The following TTC13 variants were observed in gnomAD, a reference collection of about 807,000 sequenced individuals.
The protein encoded by TTC13 is tetratricopeptide repeat domain 13.
Under a neutral mutation model 120.0 loss-of-function variants are expected in TTC13, and 62 were observed. The observed-to-expected ratio is 0.52, with a 90% CI of 0.42 to 0.64. The LOEUF is 0.64. Among genes scored for constraint, TTC13 ranks in the 30% least tolerant of loss-of-function variants. The probability of loss-of-function intolerance (pLI) is 0.00; values close to 1 mark genes in which losing one functional copy is unlikely to be tolerated. For synonymous variants in TTC13, 384 were observed against 393.5 expected, an observed-to-expected ratio of 0.98 and a Z score of 0.28; for missense variants, 824 against 1,050.2, an observed-to-expected ratio of 0.78 and a Z score of 2.98.
intron 9 of TTC13, among the ~76,000 whole-genome samples, chr1:230,932,175 A>T (rs1673618064): frequency 6.6e-6 from 1 of 152,220 alleles, no homozygotes; most frequent in African/African-American, 2.4e-5. Context: ...CCCAAACCCT[A>T]AAAACTGTGT....
intron 1 of TTC13, among the ~76,000 whole-genome samples, chr1:230,963,575 C>A (rs932193145): frequency 2.0e-5 from 3 of 151,860 alleles, no homozygotes; most frequent in Non-Finnish European, 4.4e-5. Context: ...GTGGAAGCTG[C>A]AGTGAACCAT....
intron 12 of TTC13, among the ~76,000 whole-genome samples, chr1:230,928,165 A>C (rs1486817030): frequency 6.6e-6 from 1 of 152,186 alleles, no homozygotes; most frequent in Non-Finnish European, 1.5e-5. Flanking sequence ...CAAGTGCCTC[A>C]AAAAAACTTG....
At chr1:230,910,940 G>A (rs4846877) in intron 20 of TTC13, among the ~76,000 whole-genome samples, 99,151 of 151,810 alleles carry the variant, frequency 0.65, 32,577 homozygotes, top group Admixed American at 0.71. Context: ...TGCACACAGT[G>A]CTGGGAAAAG....
chr1:230,954,318 A>G lies in TTC13; in HGVS notation c.513+15T>C. On this transcript the variant is annotated intron_variant, in intron 4 of 22. Transcript: ENST00000366661. Reference sequence around the variant, plus strand: ...ACCATAAACTCAAAATTACATAAATAAGAAGAAAATTTACCTGAAGCATTG... The same window carrying G: ...ACCATAAACTCAAAATTACATAAATGAGAAGAAAATTTACCTGAAGCATTG... 1 of 1,601,964 alleles carries G rather than the reference A, an allele frequency of 6.2e-7. No individual in the cohort carries two copies. Among genetic ancestry groups the G allele is most frequent in the African/African-American group, 1.3e-5 (1 of 74,794 alleles).
intron 18 of TTC13, among the ~76,000 whole-genome samples, chr1:230,913,820 A>C (rs1671743873): frequency 6.6e-6 from 1 of 152,216 alleles, no homozygotes; most frequent in African/African-American, 2.4e-5. Context: ...GCAGGGGTGA[A>C]CTGGGGAACA....
intron 14 of TTC13, 128 bp from the exon 15 acceptor site, chr1:230,924,061 T>C (rs537208719): frequency 6.8e-6 from 4 of 591,898 alleles, no homozygotes; most frequent in South Asian, 5.0e-5. Context: ...GTGATGTCCA[T>C]ACCTACAAAT....
chr1:230,921,393 A>T (rs1028133002), intron 16 of TTC13, 28 bp downstream of exon 16: 2 of 1,238,136 alleles, frequency 1.6e-6, no homozygotes, highest in Non-Finnish European at 2.3e-6. Flanking sequence ...TCAACTCATT[A>T]CTAAGAAGGA....
At position 230,924,051 on chromosome 1, in the gene TTC13, G is replaced by A. The variant is rs74143518; in HGVS notation, c.1722-118C>T. The A allele has an allele frequency of 6.6e-4, 426 of 646,228 alleles. 6 individuals are homozygous for A. The African/African-American group carries it at 7.0e-3, about 11-fold the overall frequency. The allele number at this position is 646,228 out of a possible 1,614,324, so 40.0% of individuals were successfully genotyped here. A position where few individuals can be genotyped will look rare whatever the true frequency, so the allele number is the denominator to read the frequency against. On this transcript the variant is annotated intron_variant, in intron 14 of 22. Transcript: ENST00000366661. ...CAGCTAGTCCATCATATCTAAAAAC[G>A]TGATGTCCATACCTACAAATTCCAA...
chr1:230,924,073 C>T (rs1426975287), intron 14 of TTC13, 140 bp from the exon 15 acceptor site: 2 of 568,706 alleles, frequency 3.5e-6, no homozygotes. Context: ...CCTACAAATT[C>T]CAAACAGATG....
chr1:230,976,845 A>C (rs188566235), intron 1 of TTC13, among the ~76,000 whole-genome samples: 162 of 152,354 alleles, frequency 1.1e-3, no homozygotes, highest in Non-Finnish European at 1.1e-3. Flanking sequence ...GAATCAAATA[A>C]GCCACCAACA....
In TTC13 at chr1:230,978,621, G is replaced by A; in HGVS notation, c.210C>T (p.Gly70=). ...CGGACTGCGGGCTGCAGCCGCCGCC[G>A]CCCGCCGGGGCCTCCTGCTGCTGCC... is the stretch of plus-strand genomic sequence containing the variant. ...QHRQQQEAPA[G]GGGCSPQSGD... Residue 70 remains glycine, a synonymous_variant, in exon 1 of 23, where the codon GGC becomes GGT. Coordinates refer to ENST00000366661, the MANE Select transcript of TTC13 (RefSeq NM_024525.5). The surrounding 1 kb of genome is among the most constrained non-coding windows in gnomAD (Gnocchi z 5.6). 6.8e-7 allele frequency: 1 copy of A among 1,462,590 alleles called. No homozygotes were observed. The highest frequency in any genetic ancestry group is 9.0e-7 in the Non-Finnish European group (1 of 1,112,110). 90.6% of individuals were successfully genotyped at this position (1,462,590 alleles called of 1,614,324 possible). A position where few individuals can be genotyped will look rare whatever the true frequency, so the allele number is the denominator to read the frequency against.
intron 20 of TTC13, among the ~76,000 whole-genome samples, chr1:230,910,849 T>C (rs1028905848): frequency 2.0e-5 from 3 of 152,258 alleles, no homozygotes; most frequent in Non-Finnish European, 4.4e-5. Flanking sequence ...GATAAAGACA[T>C]TCAAGTGTAT....
At position 230,920,494 on chromosome 1, in the gene TTC13, CT is replaced by C; in HGVS notation, c.1983+15del. The C allele has an allele frequency of 1.9e-6, 3 of 1,593,996 alleles. No individual in the cohort carries two copies. The highest frequency in any genetic ancestry group is 2.6e-6 in the Non-Finnish European group (3 of 1,162,992). ...TCCTCTAAAAACATGGACTGCCATT[CT>C]GATGCTAAAGTTACCTTCATAATCG... On this transcript the variant is annotated intron_variant, in intron 17 of 22. Transcript: ENST00000366661.
chr1:230,925,148 C>T (rs1672946768), intron 13 of TTC13, among the ~76,000 whole-genome samples, 175 bp from the exon 14 acceptor site: 1 of 152,174 alleles, frequency 6.6e-6, no homozygotes, highest in African/African-American at 2.4e-5. Context: ...AAATTAAAAC[C>T]CATCAGAGTT....
At chr1:230,939,358 A>G in intron 8 of TTC13, 28 bp downstream of exon 8, 1 of 1,414,690 alleles carries the variant, frequency 7.1e-7, no homozygotes, top group Non-Finnish European at 9.9e-7. Flanking sequence ...GAGTCATCAT[A>G]TGGTACACAT....
At chr1:230,964,710 A>C (rs1249803859) in intron 1 of TTC13, among the ~76,000 whole-genome samples, 1 of 152,230 alleles carries the variant, frequency 6.6e-6, no homozygotes, top group Non-Finnish European at 1.5e-5. Context: ...CTTGCTTTTA[A>C]AGGAAATCTT....
chr1:230,909,919 G>A (rs1441768551), intron 20 of TTC13, among the ~76,000 whole-genome samples: 1 of 152,176 alleles, frequency 6.6e-6, no homozygotes, highest in Admixed American at 6.5e-5. Context: ...TTTGTAAGAC[G>A]TTGTGCTTCT....
chr1:230,970,438 T>G (rs750084734), intron 1 of TTC13, among the ~76,000 whole-genome samples: 2 of 152,140 alleles, frequency 1.3e-5, no homozygotes, highest in Non-Finnish European at 2.9e-5. Context: ...GGTAGTTTTA[T>G]TAAGACCATC....
intron 3 of TTC13, among the ~76,000 whole-genome samples, chr1:230,955,507 CAA>C (rs55902639): frequency 2.2e-5 from 3 of 137,070 alleles, no homozygotes; most frequent in Non-Finnish European, 3.2e-5. Context: ...ACTAAATATA[CAA>C]AAAAAAAAAA....
Sources: allele counts gnomAD v4.1 joint callset (sites outside exome capture counted in the v4.1 genomes callset), GRCh38; gene constraint gnomAD v4.1.1; non-coding constraint Gnocchi (gnomAD v3.1); transcripts MANE v1.5; gene names NCBI Gene and HGNC (gene_info 2026-07-23, HGNC 2026-07-21).